TEX9: variants seen among roughly 807,000 people sequenced by gnomAD.
TEX9 encodes testis expressed 9.
A neutral mutation model predicts 59.6 loss-of-function variants in TEX9; 74 were observed. The ratio of observed to expected loss-of-function variants is 1.24; its 90% CI spans 1.03 to 1.51. The LOEUF (loss-of-function observed/expected upper bound fraction) is 1.51, where lower values mean the gene tolerates loss of function less well. Among genes scored for constraint, TEX9 ranks in the 40% most tolerant of loss-of-function variants. TEX9 has a pLI of 0.00. For missense variants in TEX9, 522 were observed against 447.8 expected, an observed-to-expected ratio of 1.17 and a Z score of -1.49; for synonymous variants, 186 against 152.2, an observed-to-expected ratio of 1.22 and a Z score of -1.64.
At position 56,330,341 on chromosome 15, in the gene TEX9, A is replaced by G. The variant is rs190271317; in HGVS notation, c.-106-43100A>G. Among the ~76,000 whole-genome samples the G allele has an allele frequency of 1.5e-3, 224 of 152,318 alleles. 2 individuals carry two copies. The highest frequency in any genetic ancestry group is 2.3e-3 in the Non-Finnish European group (156 of 68,018). Reference sequence around the variant, plus strand: ...GAACAAGAAGAAATCATCTGAAGGTATAAAACTCACTGGTAAGAGTAAGTA... The same window carrying G: ...GAACAAGAAGAAATCATCTGAAGGTGTAAAACTCACTGGTAAGAGTAAGTA... On this transcript the variant is annotated intron_variant, in intron 1 of 5. Coordinates refer to the TEX9 transcript ENST00000560827.
chr15:56,285,679 T>C (rs2044936352), intron 1 of TEX9, among the ~76,000 whole-genome samples: 1 of 152,216 alleles, frequency 6.6e-6, no homozygotes, highest in African/African-American at 2.4e-5. Flanking sequence ...AATTAAAACA[T>C]ATTTTATTCA....
chr15:56,353,335 C>A (rs1393894169), intron 1 of TEX9, among the ~76,000 whole-genome samples: 1 of 152,044 alleles, frequency 6.6e-6, no homozygotes, highest in Non-Finnish European at 1.5e-5. Flanking sequence ...TTGGCTTTGA[C>A]TATTTGTAAG....
upstream of TEX9, among the ~76,000 whole-genome samples, chr15:56,363,727 G>A (rs1289228911): frequency 6.6e-6 from 1 of 151,294 alleles, no homozygotes; most frequent in African/African-American, 2.4e-5. Flanking sequence ...GTGCAGTGGT[G>A]TGACCATGGC....
chr15:56,438,200 A>G (rs1309713867), intron 12 of TEX9, among the ~76,000 whole-genome samples: 1 of 152,200 alleles, frequency 6.6e-6, no homozygotes, highest in Non-Finnish European at 1.5e-5. Context: ...GCATCATGCT[A>G]CCTGAATTCA....
chr15:56,255,761 G>A (rs1424354519), intron 1 of TEX9, among the ~76,000 whole-genome samples: 5 of 151,764 alleles, frequency 3.3e-5, no homozygotes, highest in Admixed American at 3.3e-4. Context: ...AATATAAGTA[G>A]GAATGAAAAA....
At chr15:56,325,951 A>G (rs1384007994) in intron 1 of TEX9, among the ~76,000 whole-genome samples, 1 of 152,180 alleles carries the variant, frequency 6.6e-6, no homozygotes, top group Non-Finnish European at 1.5e-5. Flanking sequence ...AAGGTCTGAT[A>G]ATGAACATAC....
At chr15:56,333,181 C>T (rs961876301) in intron 1 of TEX9, among the ~76,000 whole-genome samples, 6 of 151,912 alleles carry the variant, frequency 3.9e-5, no homozygotes, top group African/African-American at 1.5e-4. Flanking sequence ...ACAGTGTTAC[C>T]CTGACACCAA....
intron 2 of TEX9, among the ~76,000 whole-genome samples, chr15:56,366,570 C>CA (rs1224781066): frequency 6.6e-6 from 1 of 152,088 alleles, no homozygotes; most frequent in Non-Finnish European, 1.5e-5. Context: ...ACAATAAATT[C>CA]ATTTGTGAAT....
chr15:56,246,050 G>C (rs74017497), intron 1 of TEX9, among the ~76,000 whole-genome samples: 1 of 152,144 alleles, frequency 6.6e-6, no homozygotes, highest in Non-Finnish European at 1.5e-5. Flanking sequence ...TCTGCCAAAG[G>C]CCTTAAGAAA....
intron 9 of TEX9, among the ~76,000 whole-genome samples, chr15:56,402,253 GAAGAA>G (rs2048830227): frequency 6.6e-6 from 1 of 152,040 alleles, no homozygotes; most frequent in Non-Finnish European, 1.5e-5. Flanking sequence ...GACTAATAAA[GAAGAA>G]AATAGAGAAG....
chr15:56,404,166 T>G (rs144691026), intron 9 of TEX9, among the ~76,000 whole-genome samples: 1,926 of 152,138 alleles, frequency 0.013, 40 homozygotes, highest in African/African-American at 0.044. Flanking sequence ...CTTCTGCACA[T>G]CAAAAGAAAC....
intron 1 of TEX9, among the ~76,000 whole-genome samples, chr15:56,314,477 T>C (rs1220276873): frequency 7.5e-6 from 1 of 132,568 alleles, no homozygotes; most frequent in African/African-American, 2.8e-5. Flanking sequence ...AGATTCTTAA[T>C]CCTGAGTTCT....
At chr15:56,409,497 AT>A (rs767690310) in intron 9 of TEX9, among the ~76,000 whole-genome samples, 4 of 151,810 alleles carry the variant, frequency 2.6e-5, no homozygotes, top group Non-Finnish European at 5.9e-5. Context: ...CAAGATCTTT[AT>A]TTGATTATTT....
intron 6 of TEX9, among the ~76,000 whole-genome samples, chr15:56,390,176 G>A (rs2048140779): frequency 6.6e-6 from 1 of 151,552 alleles, no homozygotes; most frequent in Non-Finnish European, 1.5e-5. Context: ...GAACATACAT[G>A]CCACATACAT....
chr15:56,438,375 C>T (rs2050763987), intron 12 of TEX9, among the ~76,000 whole-genome samples: 2 of 151,778 alleles, frequency 1.3e-5, no homozygotes, highest in South Asian at 4.2e-4. Flanking sequence ...ACAAACCTGA[C>T]AAAAACAAGC....
chr15:56,331,342 C>A (rs539595312), intron 1 of TEX9, among the ~76,000 whole-genome samples: 1 of 152,270 alleles, frequency 6.6e-6, no homozygotes, highest in South Asian at 2.1e-4. Flanking sequence ...CCAAGGGCTG[C>A]AGAATACGCA....
At chr15:56,310,583 T>G (rs1271305387) in intron 1 of TEX9, among the ~76,000 whole-genome samples, 2 of 152,180 alleles carry the variant, frequency 1.3e-5, no homozygotes, top group Non-Finnish European at 2.9e-5. Flanking sequence ...CATCCTACTT[T>G]CCATTGCTGG....
At chr15:56,390,950 C>G (rs540072384) in intron 6 of TEX9, among the ~76,000 whole-genome samples, 4 of 152,058 alleles carry the variant, frequency 2.6e-5, no homozygotes, top group Non-Finnish European at 2.9e-5. Context: ...CCTCATAAAG[C>G]CTTCTCTAGC....
chr15:56,439,366 A>G (rs2050781023), intron 12 of TEX9, among the ~76,000 whole-genome samples: 1 of 152,118 alleles, frequency 6.6e-6, no homozygotes, highest in African/African-American at 2.4e-5. Flanking sequence ...TTCAATACCT[A>G]TCAAAATCCC....
Sources: allele counts gnomAD v4.1 joint callset (sites outside exome capture counted in the v4.1 genomes callset), GRCh38; gene constraint gnomAD v4.1.1; transcripts MANE v1.5; gene names NCBI Gene and HGNC (gene_info 2026-07-23, HGNC 2026-07-21).